MACROD2: variants seen among roughly 807,000 people sequenced by gnomAD.
MACROD2 encodes ADP-ribose glycohydrolase MACROD2.
MACROD2 carries 36 observed loss-of-function variants against 70.4 expected under a neutral mutation model. That is an observed-to-expected ratio of 0.51 (90% confidence interval 0.39 to 0.68). The LOEUF is 0.68. Ranked by LOEUF, MACROD2 falls within the 30% of genes least tolerant of loss-of-function variation. The probability of loss-of-function intolerance (pLI) is 0.00; values close to 1 mark genes in which losing one functional copy is unlikely to be tolerated. For missense variants in MACROD2, 496 were observed against 538.4 expected (o/e 0.92, Z 0.78); for synonymous variants, 172 against 178.8 (o/e 0.96, Z 0.30).
chr20:14,507,684 T>C (rs947133500), intron 4 of MACROD2, among the ~76,000 whole-genome samples: 1 of 152,200 alleles, frequency 6.6e-6, no homozygotes, highest in Non-Finnish European at 1.5e-5. Context: ...GATACATATA[T>C]TTAAAGAATT....
At chr20:15,100,324 T>C (rs1377513620) in intron 5 of MACROD2, among the ~76,000 whole-genome samples, 1 of 146,222 alleles carries the variant, frequency 6.8e-6, no homozygotes, top group Non-Finnish European at 1.5e-5. Flanking sequence ...TTTTGACTTA[T>C]GATGAATTTG....
intron 5 of MACROD2, among the ~76,000 whole-genome samples, chr20:15,059,511 A>G (rs1210705739): frequency 5.3e-5 from 8 of 152,250 alleles, no homozygotes; most frequent in Non-Finnish European, 1.0e-4. Context: ...GATTATTAGA[A>G]CAAACTATTG....
chr20:15,157,132 G>A (rs534546305), intron 5 of MACROD2, among the ~76,000 whole-genome samples: 1 of 152,232 alleles, frequency 6.6e-6, no homozygotes, highest in South Asian at 2.1e-4. Flanking sequence ...TTAAACAATG[G>A]ACATTTATTT....
chr20:15,715,850 T>C (rs931275791), intron 8 of MACROD2, among the ~76,000 whole-genome samples: 1 of 152,172 alleles, frequency 6.6e-6, no homozygotes, highest in Admixed American at 6.5e-5. Flanking sequence ...TCTTTGGAGG[T>C]AGATCATTTT....
chr20:15,547,811 T>C (rs1398403447), intron 8 of MACROD2, among the ~76,000 whole-genome samples: 1 of 152,208 alleles, frequency 6.6e-6, no homozygotes, highest in Non-Finnish European at 1.5e-5. Context: ...CCTGTGTTGA[T>C]CTAGTGAAGT....
chr20:14,692,400 G>C (rs2071075387), intron 5 of MACROD2, among the ~76,000 whole-genome samples: 1 of 152,136 alleles, frequency 6.6e-6, no homozygotes, highest in South Asian at 2.1e-4. Context: ...TTCCACTAGT[G>C]ATGACATCTG....
chr20:15,752,552 A>C (rs867192706), intron 8 of MACROD2, among the ~76,000 whole-genome samples: 3 of 152,092 alleles, frequency 2.0e-5, no homozygotes, highest in African/African-American at 4.8e-5. Flanking sequence ...CAGTTTCTCT[A>C]TCAAAGGTCC....
At chr20:15,163,351 A>G (rs2076361333) in intron 5 of MACROD2, among the ~76,000 whole-genome samples, 1 of 152,030 alleles carries the variant, frequency 6.6e-6, no homozygotes, top group Non-Finnish European at 1.5e-5. Flanking sequence ...CAGAAATACT[A>G]TTTAAAAAGA....
chr20:15,975,581 G>T (rs1316784075), intron 13 of MACROD2, among the ~76,000 whole-genome samples: 1 of 152,072 alleles, frequency 6.6e-6, no homozygotes, highest in Admixed American at 6.6e-5. Flanking sequence ...ACTAAAATAT[G>T]AAATAAAAAA....
chr20:15,151,073 G>A (rs1011864388), intron 5 of MACROD2, among the ~76,000 whole-genome samples: 6 of 152,010 alleles, frequency 3.9e-5, no homozygotes, highest in African/African-American at 7.3e-5. Flanking sequence ...CTTCCGAGGC[G>A]ATCAGGCAGT....
At chr20:15,581,887 C>T (rs1193005655) in intron 8 of MACROD2, among the ~76,000 whole-genome samples, 2 of 152,076 alleles carry the variant, frequency 1.3e-5, no homozygotes, top group Non-Finnish European at 2.9e-5. Flanking sequence ...TTTGGGAGGC[C>T]GAGGCAGGTG....
At chr20:14,990,894 G>T (rs550668826) in intron 5 of MACROD2, among the ~76,000 whole-genome samples, 18 of 152,236 alleles carry the variant, frequency 1.2e-4, no homozygotes, top group Non-Finnish European at 1.9e-4. Context: ...CTGGGGGAAG[G>T]CCCCCTGAAA....
chr20:15,350,135 A>G (rs1349998969), intron 6 of MACROD2, among the ~76,000 whole-genome samples: 2 of 152,170 alleles, frequency 1.3e-5, no homozygotes, highest in Non-Finnish European at 2.9e-5. Context: ...CTGAGAGAAG[A>G]GAGAGAGTGA....
intron 3 of MACROD2, among the ~76,000 whole-genome samples, chr20:14,301,872 A>G (rs1262356770): frequency 6.6e-6 from 1 of 152,188 alleles, no homozygotes; most frequent in African/African-American, 2.4e-5. Context: ...TATGAATTCT[A>G]TTTTAATTCA....
intron 3 of MACROD2, among the ~76,000 whole-genome samples, chr20:14,420,662 T>G (rs1236546458): frequency 6.6e-6 from 1 of 152,168 alleles, no homozygotes; most frequent in Non-Finnish European, 1.5e-5. Flanking sequence ...ATATTTTCTC[T>G]TATTCTGGGG....
rs71190156 is a variant in MACROD2 at position 14,855,597 on chromosome 20, GTTTTTTTTTTTTT to G, written c.418+170656_418+170668del. On this transcript the variant is annotated intron_variant, in intron 5 of 17. Transcript: ENST00000684519. ...TTCAGAATTTTAGTGATCCTACCAAGTTTTTTTTTTTTTTTTTTTTTTTTTTTTTTAATAAGGC... is the reference window on the plus strand; with the variant it reads ...TTCAGAATTTTAGTGATCCTACCAAGTTTTTTTTTTTTTTTTTAATAAGGC... Among the ~76,000 whole-genome samples the G allele has an allele frequency of 5.2e-5, 4 of 77,242 alleles. No homozygotes were observed. The Admixed American group carries it at 6.0e-4, about 12-fold the overall frequency. The allele number at this position is 77,242 out of a possible 152,430, so 50.7% of individuals were successfully genotyped here.
chr20:14,161,256 C>T (rs186402648), intron 3 of MACROD2, among the ~76,000 whole-genome samples: 120 of 146,864 alleles, frequency 8.2e-4, no homozygotes, highest in South Asian at 5.2e-3. Context: ...GGCATGATCT[C>T]GGCTCACTGC....
chr20:15,010,030 T>A (rs143685142), intron 5 of MACROD2, among the ~76,000 whole-genome samples: 3 of 152,100 alleles, frequency 2.0e-5, no homozygotes, highest in African/African-American at 7.2e-5. Flanking sequence ...GCTCAAACAT[T>A]TATAACTCCA....
At chr20:15,031,734 G>T (rs2075275956) in intron 5 of MACROD2, among the ~76,000 whole-genome samples, 1 of 152,136 alleles carries the variant, frequency 6.6e-6, no homozygotes, top group African/African-American at 2.4e-5. Context: ...CATGCTGATT[G>T]GTCCATGGGT....
Sources: allele counts gnomAD v4.1 joint callset (sites outside exome capture counted in the v4.1 genomes callset), GRCh38; gene constraint gnomAD v4.1.1; transcripts MANE v1.5; gene names NCBI Gene and HGNC (gene_info 2026-07-23, HGNC 2026-07-21).